HEPH: variants seen among roughly 807,000 people sequenced by gnomAD.
The protein encoded by HEPH is hephaestin.
A neutral mutation model predicts 80.8 loss-of-function variants in HEPH; 69 were observed. The observed-to-expected ratio is 0.85, with a 90% confidence interval of 0.70 to 1.04. The LOEUF (loss-of-function observed/expected upper bound fraction) is 1.04, where lower values mean the gene tolerates loss of function less well. Among genes scored for constraint, HEPH ranks in the 50% least tolerant of loss-of-function variants. The pLI, the probability that HEPH is intolerant of heterozygous loss-of-function variation, is 0.00. For missense variants in HEPH, 1,115 were observed against 891.3 expected (o/e 1.25, Z -3.20); for synonymous variants, 431 against 322.8 (o/e 1.34, Z -3.60).
At chrX:66,193,075 G>A (rs1028447022) in intron 7 of HEPH, among the ~76,000 whole-genome samples, 1 of 110,762 alleles carries the variant, frequency 9.0e-6, no homozygotes, top group Non-Finnish European at 1.9e-5. Flanking sequence ...ATTTCCAGCT[G>A]GGCTTATTAA....
intron 15 of HEPH, among the ~76,000 whole-genome samples, chrX:66,225,465 C>A (rs1227588236): frequency 8.9e-6 from 1 of 112,292 alleles, no homozygotes; most frequent in African/African-American, 3.2e-5. Context: ...ATCAAGCAAT[C>A]CAAGTCAAGT....
intron 15 of HEPH, among the ~76,000 whole-genome samples, chrX:66,211,062 C>A (rs1201305046): frequency 9.0e-6 from 1 of 111,143 alleles, no homozygotes; most frequent in Non-Finnish European, 1.9e-5. Context: ...CCTGGGATAG[C>A]ATAGGAATTT....
chrX:66,189,165 G>T (rs2087658397), intron 5 of HEPH, among the ~76,000 whole-genome samples: 1 of 112,158 alleles, frequency 8.9e-6, no homozygotes, highest in African/African-American at 3.2e-5. Flanking sequence ...ACAGGGGTGG[G>T]CTAAAAACCA....
chrX:66,194,752 C>T (rs1015030107), intron 8 of HEPH, among the ~76,000 whole-genome samples: 1 of 111,285 alleles, frequency 9.0e-6, no homozygotes, highest in African/African-American at 3.3e-5. Context: ...AAATTGCTGG[C>T]CTCTGGTCCT....
chrX:66,243,715 C>A lies in HEPH; in HGVS notation c.2564-11320C>A, dbSNP rs1475612729. On this transcript the variant is annotated intron_variant, in intron 15 of 20. Coordinates refer to ENST00000343002, the MANE Select transcript of HEPH (RefSeq NM_001367233.3). ...GTTTGATCCTGTCATTGTGTTGTTA[C>A]CTGGTTATTATGCAGACTTGATTGT... is the stretch of plus-strand genomic sequence containing the variant. Among the ~76,000 whole-genome samples the A allele has an allele frequency of 2.7e-5, 3 of 112,713 alleles. No individual in the cohort carries two copies. In the Admixed American group the frequency reaches 2.8e-4, roughly 11 times the overall value.
chrX:66,174,694 T>C lies in HEPH; in HGVS notation c.625+893T>C, dbSNP rs1374962547. On this transcript the variant is annotated intron_variant, in intron 4 of 20. Coordinates refer to ENST00000343002, the MANE Select transcript of HEPH (RefSeq NM_001367233.3). ...ACATCTACTGTTTTTTGATTTTTTT[T>C]TGATTATGGTCATTCTTGCAAGAGT... Among the ~76,000 whole-genome samples, 3 of 111,973 alleles carry C rather than the reference T, an allele frequency of 2.7e-5. No homozygotes were observed. In the Admixed American group the frequency reaches 2.8e-4, roughly 11 times the overall value.
chrX:66,252,534 TG>T (rs1384320973), intron 15 of HEPH, among the ~76,000 whole-genome samples: 1 of 111,668 alleles, frequency 9.0e-6, no homozygotes, highest in Non-Finnish European at 1.9e-5. Context: ...GCTTAGCTGA[TG>T]GGGAAATTTT....
chrX:66,242,218 A>G (rs1437861625), intron 15 of HEPH, among the ~76,000 whole-genome samples: 1 of 111,446 alleles, frequency 9.0e-6, no homozygotes, highest in Non-Finnish European at 1.9e-5. Context: ...AAAGCTGCAC[A>G]TGTAGAACCA....
chrX:66,223,970 A>T (rs1183185733), intron 15 of HEPH, among the ~76,000 whole-genome samples: 1 of 111,580 alleles, frequency 9.0e-6, no homozygotes, highest in Non-Finnish European at 1.9e-5. Flanking sequence ...ACATGCCTTA[A>T]CTTTCTGACT....
chrX:66,170,419 G>A, intron 1 of HEPH, 139 bp from the exon 2 acceptor site: 1 of 457,035 alleles, frequency 2.2e-6, no homozygotes, highest in South Asian at 4.5e-5. Context: ...AATCAGGTAA[G>A]TTAAAGAAAC....
intron 10 of HEPH, among the ~76,000 whole-genome samples, chrX:66,198,308 T>C (rs1054850594): frequency 1.8e-5 from 2 of 110,798 alleles, no homozygotes; most frequent in Non-Finnish European, 3.8e-5. Context: ...CTGTGTAACA[T>C]TGGGTGAGCT....
intron 12 of HEPH, among the ~76,000 whole-genome samples, chrX:66,202,981 T>C (rs2088549849): frequency 9.6e-6 from 1 of 104,629 alleles, no homozygotes; most frequent in African/African-American, 3.5e-5. Flanking sequence ...TATATGTATA[T>C]ATATATGATT....
intron 15 of HEPH, among the ~76,000 whole-genome samples, chrX:66,234,964 T>G (rs1220548905): frequency 9.0e-6 from 1 of 110,927 alleles, no homozygotes; most frequent in Non-Finnish European, 1.9e-5. Flanking sequence ...GCAGTTTTTT[T>G]TTTCCTATAT....
At chrX:66,224,158 G>A (rs2089778929) in intron 15 of HEPH, among the ~76,000 whole-genome samples, 1 of 107,809 alleles carries the variant, frequency 9.3e-6, no homozygotes, top group African/African-American at 3.4e-5. Flanking sequence ...GGACTAGACT[G>A]TCTAAGGCCA....
intron 16 of HEPH, among the ~76,000 whole-genome samples, chrX:66,255,849 T>C (rs1430301637): frequency 2.7e-5 from 3 of 111,921 alleles, no homozygotes; most frequent in Non-Finnish European, 5.6e-5. Context: ...GTTGTAAAAA[T>C]GCTTGGTAGG....
intron 15 of HEPH, among the ~76,000 whole-genome samples, chrX:66,221,008 G>A (rs1400404163): frequency 8.9e-6 from 1 of 111,866 alleles, no homozygotes; most frequent in Non-Finnish European, 1.9e-5. Context: ...ACTGGGAACA[G>A]TCCTCATTCT....
At chrX:66,203,666 C>A in intron 13 of HEPH, 89 bp downstream of exon 13, 1 of 770,890 alleles carries the variant, frequency 1.3e-6, no homozygotes, top group Non-Finnish European at 1.9e-6. Context: ...AGACTCTTAT[C>A]TCAGGTCTCC....
chrX:66,216,328 G>A (rs1218015192), intron 15 of HEPH, among the ~76,000 whole-genome samples: 1 of 111,741 alleles, frequency 8.9e-6, no homozygotes, highest in Non-Finnish European at 1.9e-5. Flanking sequence ...CTCTTACATA[G>A]TCCACTTCAC....
intron 15 of HEPH, among the ~76,000 whole-genome samples, chrX:66,237,785 G>T (rs1415663969): frequency 8.9e-6 from 1 of 112,202 alleles, no homozygotes; most frequent in African/African-American, 3.2e-5. Flanking sequence ...CTAAGAATTT[G>T]CTTTATGAAT....
Sources: allele counts gnomAD v4.1 joint callset (sites outside exome capture counted in the v4.1 genomes callset), GRCh38; gene constraint gnomAD v4.1.1; transcripts MANE v1.5; gene names NCBI Gene and HGNC (gene_info 2026-07-23, HGNC 2026-07-21).